The following PDE4D variants were observed in gnomAD, a reference collection of about 807,000 sequenced individuals.
PDE4D encodes phosphodiesterase 4D.
In PDE4D, 24 loss-of-function variants were observed where a neutral mutation model predicts 87.4. The ratio of observed to expected loss-of-function variants is 0.27; its 90% confidence interval spans 0.20 to 0.39. The LOEUF (loss-of-function observed/expected upper bound fraction) is 0.39. PDE4D is among the 10% of genes least tolerant of loss of function. The probability of loss-of-function intolerance (pLI) is 1.00; values close to 1 mark genes in which losing one functional copy is unlikely to be tolerated. For missense variants in PDE4D, 714 were observed against 1,041.0 expected, an observed-to-expected ratio of 0.69 and a Z score of 4.32; for synonymous variants, 384 against 383.2, an observed-to-expected ratio of 1.00 and a Z score of -0.02.
At chr5:60,489,156 T>TA (rs1490340146), upstream of PDE4D, among the ~76,000 whole-genome samples, 1 of 152,170 alleles carries the variant, frequency 6.6e-6, no homozygotes, top group East Asian at 1.9e-4. Flanking sequence ...CCACACCCCT[T>TA]AGATACTTAA....
At chr5:59,258,654 G>T (rs1311037358) in intron 1 of PDE4D, among the ~76,000 whole-genome samples, 1 of 148,278 alleles carries the variant, frequency 6.7e-6, no homozygotes, top group Non-Finnish European at 1.5e-5. Flanking sequence ...ATATCAGTTA[G>T]AAATATATAT....
At chr5:59,026,294 T>C (rs1442982074) in intron 6 of PDE4D, among the ~76,000 whole-genome samples, 1 of 152,068 alleles carries the variant, frequency 6.6e-6, no homozygotes, top group Non-Finnish European at 1.5e-5. Context: ...AAAGCAGAAC[T>C]GAGATTAAGT....
chr5:59,456,011 A>C (rs962010066), intron 1 of PDE4D, among the ~76,000 whole-genome samples: 1 of 152,184 alleles, frequency 6.6e-6, no homozygotes, highest in African/African-American at 2.4e-5. Flanking sequence ...TTACAGGCTC[A>C]TAGGTAGAAG....
intron 1 of PDE4D, among the ~76,000 whole-genome samples, chr5:60,354,743 A>G (rs1176436075): frequency 2.0e-5 from 3 of 152,240 alleles, no homozygotes; most frequent in African/African-American, 4.8e-5. Context: ...ATTTTTTTCA[A>G]TGTAATTGGT....
At chr5:59,760,564 T>C (rs373009360) in intron 1 of PDE4D, among the ~76,000 whole-genome samples, 2 of 152,176 alleles carry the variant, frequency 1.3e-5, no homozygotes, top group South Asian at 2.1e-4. Context: ...ACAGTATAAA[T>C]TGACAATGTT....
chr5:60,052,608 A>G (rs1181089110), intron 2 of PDE4D, among the ~76,000 whole-genome samples: 2 of 152,224 alleles, frequency 1.3e-5, no homozygotes, highest in South Asian at 2.1e-4. Context: ...AGCTGGACGC[A>G]TTCTCTTTGA....
At chr5:59,952,719 T>C (rs1758427628) in intron 3 of PDE4D, among the ~76,000 whole-genome samples, 1 of 152,178 alleles carries the variant, frequency 6.6e-6, no homozygotes, top group Non-Finnish European at 1.5e-5. Context: ...ATATCAGCTA[T>C]TATGCTATGA....
rs528602625 is a variant in PDE4D at position 59,753,452 on chromosome 5, C to T, written c.455+139716G>A. ...GGGGCACAGTAAGCTTGGTTTTGTG[C>T]GTGTTAAATATAAATTAAGAGTGGA... On this transcript the variant is annotated intron_variant, in intron 1 of 14. Transcript: ENST00000340635. Among the ~76,000 whole-genome samples the T allele has an allele frequency of 5.8e-4, 88 of 152,004 alleles. 1 individual carries two copies. The highest frequency in any genetic ancestry group is 1.8e-3 in the African/African-American group (76 of 41,436).
chr5:59,027,249 A>G (rs1018140346), intron 6 of PDE4D, among the ~76,000 whole-genome samples: 5 of 152,202 alleles, frequency 3.3e-5, no homozygotes, highest in Admixed American at 1.3e-4. Flanking sequence ...CCACAGATTA[A>G]AAGTGCCATT....
chr5:59,256,165 A>G (rs1435761573), intron 1 of PDE4D, among the ~76,000 whole-genome samples: 2 of 152,178 alleles, frequency 1.3e-5, no homozygotes, highest in Non-Finnish European at 2.9e-5. Flanking sequence ...CTGTAACCCC[A>G]GTAGTATTTT....
At chr5:58,988,397 A>T in intron 11 of PDE4D, 96 bp downstream of exon 11, 1 of 459,072 alleles carries the variant, frequency 2.2e-6, no homozygotes, top group Non-Finnish European at 3.9e-6. Context: ...TCAAAAGAAC[A>T]TTATGGCTCT....
intron 2 of PDE4D, among the ~76,000 whole-genome samples, chr5:60,062,727 A>G (rs1483400210): frequency 6.6e-6 from 1 of 152,174 alleles, no homozygotes; most frequent in Non-Finnish European, 1.5e-5. Context: ...ATAGAATACT[A>G]TACAGCCACA....
chr5:59,783,588 T>A (rs988486265), intron 1 of PDE4D, among the ~76,000 whole-genome samples: 4 of 152,228 alleles, frequency 2.6e-5, no homozygotes, highest in African/African-American at 9.6e-5. Flanking sequence ...CCTGTACCAA[T>A]CTTCAATTCA....
At chr5:60,371,021 C>T (rs1460078446) in intron 1 of PDE4D, among the ~76,000 whole-genome samples, 1 of 152,196 alleles carries the variant, frequency 6.6e-6, no homozygotes, top group African/African-American at 2.4e-5. Flanking sequence ...GCTCACAACT[C>T]TAGCAAAAGC....
intron 1 of PDE4D, among the ~76,000 whole-genome samples, chr5:60,263,939 A>T (rs1441613739): frequency 1.3e-5 from 2 of 152,104 alleles, no homozygotes; most frequent in Non-Finnish European, 2.9e-5. Flanking sequence ...ATGTGAAAAA[A>T]TAATAAACTA....
intron 1 of PDE4D, among the ~76,000 whole-genome samples, chr5:59,256,405 G>A (rs1189388844): frequency 6.6e-6 from 1 of 152,080 alleles, no homozygotes; most frequent in Admixed American, 6.6e-5. Context: ...GGCTTCTCGA[G>A]TGCTCTGCAG....
intron 1 of PDE4D, among the ~76,000 whole-genome samples, chr5:59,800,239 T>C (rs764164756): frequency 1.3e-5 from 2 of 152,168 alleles, no homozygotes; most frequent in South Asian, 4.1e-4. Context: ...CAATGGAACA[T>C]GTGCGACAAT....
intron 1 of PDE4D, among the ~76,000 whole-genome samples, chr5:60,358,471 T>TTATGG (rs1011163920): frequency 3.3e-5 from 5 of 152,132 alleles, no homozygotes; most frequent in African/African-American, 1.2e-4. Flanking sequence ...ATCAGACATG[T>TTATGG]TATGGTATGG....
At chr5:60,319,904 C>T (rs1322755014) in intron 1 of PDE4D, among the ~76,000 whole-genome samples, 2 of 152,224 alleles carry the variant, frequency 1.3e-5, no homozygotes, top group African/African-American at 4.8e-5. Context: ...CTGGGGGGTA[C>T]CTCCCAGTTA....
Sources: gnomAD v4.1 joint callset for allele counts (sites outside exome capture counted in the v4.1 genomes callset) on GRCh38, gnomAD v4.1.1 for gene constraint, MANE v1.5 for transcripts, NCBI Gene and HGNC (gene_info 2026-07-23, HGNC 2026-07-21) for gene names.